HERC2: variants seen among roughly 807,000 people sequenced by gnomAD.
The protein encoded by HERC2 is E3 ubiquitin-protein ligase HERC2.
In HERC2, 102 loss-of-function variants were observed where a neutral mutation model predicts 537.7. The ratio of observed to expected loss-of-function variants is 0.19; its 90% CI spans 0.16 to 0.22. The LOEUF (loss-of-function observed/expected upper bound fraction) is 0.22, where lower values mean the gene tolerates loss of function less well. Among genes scored for constraint, HERC2 ranks in the 10% least tolerant of loss-of-function variants. The pLI, the probability that HERC2 is intolerant of heterozygous loss-of-function variation, is 1.00. For synonymous variants in HERC2, 2,224 were observed against 2,466.2 expected (o/e 0.90, Z 2.91); for missense variants, 4,236 against 6,198.2 (o/e 0.68, Z 10.63).
intron 45 of HERC2, among the ~76,000 whole-genome samples, chr15:28,204,512 C>T (rs1386593999): frequency 1.3e-5 from 2 of 150,866 alleles, no homozygotes; most frequent in African/African-American, 2.4e-5. Flanking sequence ...CCTAGCTACT[C>T]GGGAGGCTGA....
chr15:28,296,495 A>G (rs1381985457), intron 3 of HERC2, among the ~76,000 whole-genome samples: 1 of 152,062 alleles, frequency 6.6e-6, no homozygotes, highest in Non-Finnish European at 1.5e-5. Context: ...CACACAAAAA[A>G]TATTCATCAA....
At chr15:28,321,035 C>T (rs576773592) in intron 2 of HERC2, among the ~76,000 whole-genome samples, 2 of 152,052 alleles carry the variant, frequency 1.3e-5, no homozygotes, top group South Asian at 4.2e-4. Flanking sequence ...AGCTCAAAAA[C>T]GATCAGTAAC....
chr15:28,255,379 T>C (rs1341001698), intron 19 of HERC2, among the ~76,000 whole-genome samples: 3 of 152,124 alleles, frequency 2.0e-5, no homozygotes, highest in Admixed American at 6.5e-5. Context: ...CGTCCTTCAA[T>C]AGGAGAATGA....
At chr15:28,317,543 G>A (rs2077122282) in intron 2 of HERC2, among the ~76,000 whole-genome samples, 2 of 152,222 alleles carry the variant, frequency 1.3e-5, no homozygotes, top group African/African-American at 2.4e-5. Context: ...AGGGCATTAT[G>A]CTGAGTAAAG....
chr15:28,144,125 G>A lies in HERC2; in HGVS notation c.11251C>T (p.Pro3751Ser). The A allele has an allele frequency of 6.2e-7, 1 of 1,614,194 alleles. No individual in the cohort carries two copies. Among genetic ancestry groups the A allele is most frequent in the South Asian group, 1.1e-5 (1 of 91,080 alleles). Reference protein sequence around the residue: ...LNLASNRSIVPRLAASLAACA... With the variant: ...LNLASNRSIVSRLAASLAACA... ...GCTGCCAGCGAGGCCGCAAGGCGAGGGACGATGCTTCTGTTAGAGGCAAGG... is the reference window on the plus strand; with the variant it reads ...GCTGCCAGCGAGGCCGCAAGGCGAGAGACGATGCTTCTGTTAGAGGCAAGG... Residue 3751 changes from proline to serine, a missense_variant, in exon 73 of 93, where the codon CCT becomes TCT. Around this residue, in one of 27 missense-constraint regions of HERC2, gnomAD observed 109 missense variants for 133.5 expected, o/e 0.82. Coordinates refer to ENST00000261609, the MANE Select transcript of HERC2 (RefSeq NM_004667.6).
At chr15:28,289,798 C>A (rs554902183) in intron 4 of HERC2, among the ~76,000 whole-genome samples, 15 of 152,348 alleles carry the variant, frequency 9.8e-5, no homozygotes, top group Non-Finnish European at 2.2e-4. Flanking sequence ...AAACACTGCA[C>A]ATCCTTAATG....
intron 23 of HERC2, among the ~76,000 whole-genome samples, chr15:28,245,645 A>AT (rs2140794536): frequency 6.6e-6 from 1 of 151,480 alleles, no homozygotes; most frequent in East Asian, 1.9e-4. Flanking sequence ...ACACATATAT[A>AT]TACACACTCA....
chr15:28,159,552 G>A lies in HERC2; in HGVS notation c.10746+3542C>T, dbSNP rs575278788. Among the ~76,000 whole-genome samples, 394 of 152,268 alleles carry A rather than the reference G, an allele frequency of 2.6e-3. 2 individuals are homozygous for A. The highest frequency in any genetic ancestry group is 8.4e-3 in the African/African-American group (351 of 41,558). On this transcript the variant is annotated intron_variant, in intron 69 of 92. Coordinates refer to ENST00000261609, the MANE Select transcript of HERC2 (RefSeq NM_004667.6). ...CTACTGAAGTGTGTGCATTTGTCACGTAGTTCTCATGCCATGGTTTTCAGC... is the reference window on the plus strand; with the variant it reads ...CTACTGAAGTGTGTGCATTTGTCACATAGTTCTCATGCCATGGTTTTCAGC...
chr15:28,253,288 T>A (rs1365206422), intron 20 of HERC2, among the ~76,000 whole-genome samples: 3 of 152,248 alleles, frequency 2.0e-5, no homozygotes, highest in Admixed American at 6.5e-5. Context: ...TCACCATTCT[T>A]TCACATTGAC....
At chr15:28,169,770 T>C in intron 65 of HERC2, 115 bp from the exon 66 acceptor site, 1 of 937,438 alleles carries the variant, frequency 1.1e-6, no homozygotes, top group Non-Finnish European at 1.6e-6. Context: ...ATTTTGCTAT[T>C]TCACAAAGCA....
At chr15:28,161,104 C>G (rs1440976895) in intron 69 of HERC2, among the ~76,000 whole-genome samples, 1 of 152,224 alleles carries the variant, frequency 6.6e-6, no homozygotes, top group South Asian at 2.1e-4. Flanking sequence ...CCTAAAATAT[C>G]TACCAAACTC....
Position 28,260,974 on chromosome 15 carries a change from C to A in HERC2, c.2123-4G>T. On this transcript the variant is annotated splice_polypyrimidine_tract_variant and splice_region_variant and intron_variant, in intron 15 of 92. Transcript: ENST00000261609. ...GCCACATCAATCACCTTCTTCCCTACAAGGGAAGAGGGATGCAGATGCAGC... is the reference window on the plus strand; with the variant it reads ...GCCACATCAATCACCTTCTTCCCTAAAAGGGAAGAGGGATGCAGATGCAGC... 1 of 1,606,092 alleles carries A rather than the reference C, an allele frequency of 6.2e-7. No individual in the cohort carries two copies. The highest frequency in any genetic ancestry group is 8.5e-7 in the Non-Finnish European group (1 of 1,173,540).
At position 28,192,169 on chromosome 15, in the gene HERC2, A is replaced by C; in HGVS notation, c.8261-18T>G. The C allele has an allele frequency of 6.2e-7, 1 of 1,601,386 alleles. No individual in the cohort carries two copies. Among genetic ancestry groups the C allele is most frequent in the South Asian group, 1.1e-5 (1 of 90,738 alleles). On this transcript the variant is annotated intron_variant, in intron 52 of 92. Transcript: ENST00000261609. ...AGACTGACCTATTTCGTGATAGTCA[A>C]AAAGAGAATTAACCCTTGCTGAACT...
intron 86 of HERC2, chr15:28,117,356 C>T: frequency 1.4e-6 from 1 of 705,904 alleles, no homozygotes; most frequent in Non-Finnish European, 2.6e-6. Flanking sequence ...GCTGCCTCAC[C>T]CCATTGGGCA....
chr15:28,168,615 G>A, intron 66 of HERC2, 25 bp from the exon 67 acceptor site: 1 of 1,603,218 alleles, frequency 6.2e-7, no homozygotes, highest in Non-Finnish European at 8.5e-7. Flanking sequence ...AGCCAGGCCT[G>A]TGGTGAGCTG....
chr15:28,269,298 G>C lies in HERC2; in HGVS notation c.1396C>G (p.Leu466Val). 6.2e-7 allele frequency: 1 copy of C among 1,614,130 alleles called. No homozygotes were observed. The highest frequency in any genetic ancestry group is 1.1e-5 in the South Asian group (1 of 91,050). ...IACAEKRFLI[L>V]SRNGRVYTQA... is the part of the protein sequence containing the mutation. The stretch of plus-strand genomic sequence containing the variant: ...GTGTACACGCGGCCATTGCGTGACA[G>C]AATCAGGAAACGCTTCTCTGCACAG... Residue 466 changes from leucine to valine, a missense_variant, in exon 11 of 93, where the codon CTG (leucine) becomes GTG (valine). This residue lies in a region of HERC2 where 491 missense variants were observed against 559.3 expected (regional missense o/e 0.88). Coordinates refer to ENST00000261609, the MANE Select transcript of HERC2 (RefSeq NM_004667.6).
chr15:28,287,891 T>C (rs1203262671), intron 4 of HERC2, among the ~76,000 whole-genome samples: 1 of 151,906 alleles, frequency 6.6e-6, no homozygotes, highest in Non-Finnish European at 1.5e-5. Context: ...GCCCAGCTAA[T>C]TTTTTTGTAT....
At chr15:28,258,307 T>A (rs867930989) in intron 16 of HERC2, among the ~76,000 whole-genome samples, 3 of 152,016 alleles carry the variant, frequency 2.0e-5, no homozygotes, top group Admixed American at 6.5e-5. Context: ...CCATCTCTAC[T>A]GAAAATACAA....
chr15:28,253,156 T>C (rs2075138062), intron 20 of HERC2, among the ~76,000 whole-genome samples: 1 of 148,870 alleles, frequency 6.7e-6, no homozygotes, highest in Non-Finnish European at 1.5e-5. Flanking sequence ...TTCGCTCTTC[T>C]TGGGTGATCA....
Sources: allele counts gnomAD v4.1 joint callset (sites outside exome capture counted in the v4.1 genomes callset), GRCh38; gene constraint gnomAD v4.1.1; regional missense constraint gnomAD v4.1.1; transcripts MANE v1.5; gene names NCBI Gene and HGNC (gene_info 2026-07-23, HGNC 2026-07-21).